The following CSMD1 variants were observed in gnomAD, a reference collection of about 807,000 sequenced individuals.
The protein encoded by CSMD1 is CUB and Sushi multiple domains 1, also known as CUB and sushi domain-containing protein 1.
Under a neutral mutation model 417.5 loss-of-function variants are expected in CSMD1, and 213 were observed. That is an observed-to-expected ratio of 0.51 (90% CI 0.46 to 0.57). The LOEUF (loss-of-function observed/expected upper bound fraction) is 0.57, where lower values mean the gene tolerates loss of function less well. Among genes scored for constraint, CSMD1 ranks in the 20% least tolerant of loss-of-function variants. The pLI is 0.00. For synonymous variants in CSMD1, 2,862 were observed against 1,736.8 expected (o/e 1.65, Z -16.11); for missense variants, 6,923 against 4,529.7 (o/e 1.53, Z -15.17).
intron 1 of CSMD1, among the ~76,000 whole-genome samples, chr8:4,912,359 CTTTTTT>C (rs10578105): frequency 1.4e-3 from 211 of 148,224 alleles, no homozygotes; most frequent in African/African-American, 3.2e-3. Context: ...TCATTTTCTG[CTTTTTT>C]TTTTTTTTTT....
At chr8:4,908,821 C>T (rs1241128586) in intron 1 of CSMD1, among the ~76,000 whole-genome samples, 4 of 152,088 alleles carry the variant, frequency 2.6e-5, no homozygotes, top group African/African-American at 9.7e-5. Context: ...TTCCCATTAG[C>T]ACTCTAAGCA....
chr8:4,030,287 A>G (rs1563338364), intron 4 of CSMD1, among the ~76,000 whole-genome samples: 1 of 152,196 alleles, frequency 6.6e-6, no homozygotes, highest in Non-Finnish European at 1.5e-5. Context: ...GTTCTCCATG[A>G]GGACCGCCAC....
chr8:3,909,160 G>T (rs1054637254), intron 5 of CSMD1, among the ~76,000 whole-genome samples: 10 of 152,290 alleles, frequency 6.6e-5, no homozygotes, highest in African/African-American at 2.4e-4. Flanking sequence ...TGGTCCTTTG[G>T]AGACTGGGTC....
At chr8:3,625,062 T>C (rs1408734867) in intron 7 of CSMD1, among the ~76,000 whole-genome samples, 1 of 135,742 alleles carries the variant, frequency 7.4e-6, no homozygotes, top group African/African-American at 2.6e-5. Flanking sequence ...CATTTCTACA[T>C]GCATAACAGT....
chr8:3,042,310 C>T (rs988958243), intron 50 of CSMD1, among the ~76,000 whole-genome samples: 2 of 151,974 alleles, frequency 1.3e-5, no homozygotes, highest in African/African-American at 4.8e-5. Flanking sequence ...ACCAAACTGA[C>T]CTTTTGGCCT....
chr8:4,817,087 T>C (rs1371220692), intron 1 of CSMD1, among the ~76,000 whole-genome samples: 1 of 152,070 alleles, frequency 6.6e-6, no homozygotes, highest in African/African-American at 2.4e-5. Context: ...TATACAACTT[T>C]ATTATGTGTA....
chr8:3,356,819 C>T (rs888413014), intron 21 of CSMD1, among the ~76,000 whole-genome samples: 1 of 152,234 alleles, frequency 6.6e-6, no homozygotes, highest in African/African-American at 2.4e-5. Context: ...GCACTGGGTG[C>T]ACTCTGGAGA....
intron 1 of CSMD1, among the ~76,000 whole-genome samples, chr8:4,731,751 T>C (rs541390559): frequency 2.0e-5 from 3 of 152,196 alleles, no homozygotes; most frequent in Admixed American, 1.3e-4. Context: ...GTTACTCTAG[T>C]AGTTTGGGAA....
intron 10 of CSMD1, among the ~76,000 whole-genome samples, chr8:3,555,189 G>T (rs1799090444): frequency 6.6e-6 from 1 of 151,948 alleles, no homozygotes; most frequent in South Asian, 2.1e-4. Flanking sequence ...TGTCTGGGAG[G>T]TGTAGGGAAA....
At chr8:3,252,562 T>A (rs1475196748) in intron 26 of CSMD1, among the ~76,000 whole-genome samples, 2 of 152,228 alleles carry the variant, frequency 1.3e-5, no homozygotes, top group Non-Finnish European at 2.9e-5. Context: ...GGTATCAGGA[T>A]GATGCTGGCC....
intron 3 of CSMD1, among the ~76,000 whole-genome samples, chr8:4,076,158 G>C (rs1799811849): frequency 6.6e-6 from 1 of 152,168 alleles, no homozygotes; most frequent in Non-Finnish European, 1.5e-5. Context: ...GCGTGTGGTT[G>C]CTCCATGGTG....
chr8:4,176,452 G>T (rs1297628618), intron 3 of CSMD1, among the ~76,000 whole-genome samples: 3 of 151,344 alleles, frequency 2.0e-5, no homozygotes, highest in African/African-American at 7.3e-5. Flanking sequence ...TTTCCTTTTT[G>T]ATTATTTTCT....
rs145841724 is a variant in CSMD1 at position 4,824,610 on chromosome 8, G to A, written c.85+169722C>T. On this transcript the variant is annotated intron_variant, in intron 1 of 69. Transcript: ENST00000635120. ...TTCAATTTCAAAGGAATTAGTTGAT[G>A]AGGTCTGTGTATGTGTGTGCGAACA... 4.9e-3 allele frequency among the ~76,000 whole-genome samples: 745 copies of A among 152,256 alleles called. 2 individuals carry two copies. Among genetic ancestry groups the A allele is most frequent in the Middle Eastern group, 0.024 (7 of 292 alleles).
At chr8:3,142,433 T>C in intron 41 of CSMD1, 32 bp downstream of exon 41, 1 of 1,540,102 alleles carries the variant, frequency 6.5e-7, no homozygotes, top group Non-Finnish European at 8.9e-7. Context: ...TGTATTTAGA[T>C]TTGGGTTTCG....
chr8:4,427,799 C>T (rs919104047), intron 2 of CSMD1, among the ~76,000 whole-genome samples: 1 of 152,044 alleles, frequency 6.6e-6, no homozygotes, highest in Non-Finnish European at 1.5e-5. Flanking sequence ...CAATGTATAA[C>T]CCATACAAAT....
At chr8:4,785,615 C>T (rs917643788) in intron 1 of CSMD1, among the ~76,000 whole-genome samples, 3 of 152,064 alleles carry the variant, frequency 2.0e-5, no homozygotes, top group Admixed American at 6.6e-5. Context: ...GCTCTGAGAA[C>T]CTCAGCTCAC....
chr8:3,889,094 A>G (rs1332894687), intron 5 of CSMD1, among the ~76,000 whole-genome samples: 2 of 152,114 alleles, frequency 1.3e-5, no homozygotes, highest in African/African-American at 4.8e-5. Context: ...TGACCAATTC[A>G]TTGGTTGCTG....
chr8:4,630,839 C>A (rs1802468013), intron 2 of CSMD1, among the ~76,000 whole-genome samples: 1 of 152,156 alleles, frequency 6.6e-6, no homozygotes, highest in African/African-American at 2.4e-5. Context: ...TCCACTGCTA[C>A]TTCCCTGGAA....
chr8:3,626,589 G>C (rs551950293), intron 7 of CSMD1, among the ~76,000 whole-genome samples: 3 of 151,598 alleles, frequency 2.0e-5, no homozygotes, highest in Admixed American at 6.6e-5. Flanking sequence ...CCTAGATTTA[G>C]AAAACCATGA....
Sources: allele counts gnomAD v4.1 joint callset (sites outside exome capture counted in the v4.1 genomes callset), GRCh38; gene constraint gnomAD v4.1.1; transcripts MANE v1.5; gene names NCBI Gene and HGNC (gene_info 2026-07-23, HGNC 2026-07-21).